Variants in CCDC158 observed in about 807,000 individuals in gnomAD.
The protein encoded by CCDC158 is coiled-coil domain-containing protein 158.
In CCDC158, 116 loss-of-function variants were observed where a neutral mutation model predicts 138.6. The ratio of observed to expected loss-of-function variants is 0.84; its 90% confidence interval spans 0.72 to 0.98. The LOEUF is 0.98. Among genes scored for constraint, CCDC158 ranks in the 50% least tolerant of loss-of-function variants. The pLI is 0.00. For synonymous variants in CCDC158, 436 were observed against 442.4 expected (o/e 0.99, Z 0.18); for missense variants, 1,265 against 1,306.1 (o/e 0.97, Z 0.48).
intron 18 of CCDC158, among the ~76,000 whole-genome samples, chr4:76,338,913 C>T (rs889651755): frequency 6.6e-6 from 1 of 152,198 alleles, no homozygotes; most frequent in East Asian, 1.9e-4. Flanking sequence ...AATGATGAGA[C>T]AGCAGAAGGC....
chr4:76,329,058 T>G (rs1348603462), intron 21 of CCDC158, 91 bp from the exon 22 acceptor site: 3 of 1,004,134 alleles, frequency 3.0e-6, no homozygotes, highest in South Asian at 2.6e-5. Context: ...CAGGCAAATG[T>G]GATGGTTTAA....
At position 76,362,285 on chromosome 4, in the gene CCDC158, G is replaced by C; in HGVS notation, c.1861C>G (p.Arg621Gly). The change falls in exon 13 of 25, where the codon CGG becomes GGG. Residue 621 changes from arginine to glycine, a missense_variant. Transcript: ENST00000682701. ...TCACTCACTCTGGCCTCAAGCTCCCGGATCTTTGCATCTTTTTTATCTTTT... is the reference window on the plus strand; with the variant it reads ...TCACTCACTCTGGCCTCAAGCTCCCCGATCTTTGCATCTTTTTTATCTTTT... ...ILKDKKDAKI[R>G]ELEARVSDLE... 6 of 1,612,826 alleles carry C rather than the reference G, an allele frequency of 3.7e-6. No individual in the cohort carries two copies. The highest frequency in any genetic ancestry group is 5.1e-6 in the Non-Finnish European group (6 of 1,179,674).
chr4:76,343,075 T>A (rs1722211658), intron 18 of CCDC158, among the ~76,000 whole-genome samples: 1 of 152,224 alleles, frequency 6.6e-6, no homozygotes, highest in Non-Finnish European at 1.5e-5. Context: ...CATAGAGATA[T>A]CTATCTTGTA....
At chr4:76,345,999 G>C (rs1002114395) in intron 18 of CCDC158, among the ~76,000 whole-genome samples, 1 of 152,044 alleles carries the variant, frequency 6.6e-6, no homozygotes, top group African/African-American at 2.4e-5. Context: ...ATATAACAAG[G>C]CTACAGTAAC....
At chr4:76,397,229 G>A (rs1210314797) in intron 3 of CCDC158, among the ~76,000 whole-genome samples, 2 of 151,544 alleles carry the variant, frequency 1.3e-5, no homozygotes, top group Non-Finnish European at 2.9e-5. Flanking sequence ...AAACCCACCT[G>A]GAAGAATAAA....
intron 9 of CCDC158, among the ~76,000 whole-genome samples, chr4:76,379,077 A>T (rs949656047): frequency 6.6e-6 from 1 of 151,238 alleles, no homozygotes; most frequent in Non-Finnish European, 1.5e-5. Flanking sequence ...CTATGCAAAA[A>T]ATTTTGCTAA....
chr4:76,399,289 C>G (rs1008953485), intron 3 of CCDC158, among the ~76,000 whole-genome samples: 1 of 152,004 alleles, frequency 6.6e-6, no homozygotes, highest in African/African-American at 2.4e-5. Context: ...GGGAGGGGAA[C>G]AACACACACT....
intron 4 of CCDC158, 82 bp from the exon 5 acceptor site, chr4:76,384,747 T>C (rs1726629296): frequency 2.2e-6 from 2 of 899,600 alleles, no homozygotes; most frequent in East Asian, 2.5e-5. Context: ...GATCTATATA[T>C]ATTTTCAATT....
intron 22 of CCDC158, among the ~76,000 whole-genome samples, chr4:76,328,363 G>T (rs1056211167): frequency 2.0e-5 from 3 of 152,240 alleles, no homozygotes; most frequent in Admixed American, 2.0e-4. Flanking sequence ...TCTCACAGGG[G>T]TGACACAGTA....
rs371498982 is a variant in CCDC158 at position 76,313,990 on chromosome 4, TTTTC to T, written c.3278-748_3278-745del. Among the ~76,000 whole-genome samples, 426 of 152,276 alleles carry T rather than the reference TTTTC, an allele frequency of 2.8e-3. 2 individuals are homozygous for T. The highest frequency in any genetic ancestry group is 9.1e-3 in the African/African-American group (377 of 41,556). On this transcript the variant is annotated intron_variant, in intron 24 of 24. Transcript: ENST00000682701. ...TTACATCCTTTTTCTAAACATCCTT[TTTTC>T]TTTCTTTCTTTCTTGCTATAATAAA...
intron 9 of CCDC158, among the ~76,000 whole-genome samples, chr4:76,372,248 AG>A (rs1482032790): frequency 6.6e-6 from 1 of 152,174 alleles, no homozygotes; most frequent in Non-Finnish European, 1.5e-5. Context: ...AGACCAACCT[AG>A]GCAACACAGG....
intron 1 of CCDC158, among the ~76,000 whole-genome samples, chr4:76,419,627 T>C (rs1006629815): frequency 6.6e-6 from 1 of 152,080 alleles, no homozygotes; most frequent in African/African-American, 2.4e-5. Context: ...AATATCTGCC[T>C]CTGTGGTCAC....
chr4:76,371,063 C>A (rs991295919), intron 10 of CCDC158, among the ~76,000 whole-genome samples: 2 of 152,178 alleles, frequency 1.3e-5, no homozygotes, highest in Non-Finnish European at 2.9e-5. Context: ...ACCTAACCGT[C>A]CATTCCAAAT....
At chr4:76,408,205 A>G (rs1356786684) in intron 2 of CCDC158, among the ~76,000 whole-genome samples, 2 of 150,878 alleles carry the variant, frequency 1.3e-5, no homozygotes, top group Non-Finnish European at 3.0e-5. Context: ...TTTTTATTAT[A>G]CTTTAAGTTC....
intron 24 of CCDC158, among the ~76,000 whole-genome samples, chr4:76,318,990 T>C (rs948882271): frequency 2.0e-5 from 3 of 151,162 alleles, no homozygotes; most frequent in Non-Finnish European, 2.9e-5. Context: ...TAGCTGGGAG[T>C]GGCCAGGCGC....
At chr4:76,347,322 T>G (rs1244824338) in intron 18 of CCDC158, among the ~76,000 whole-genome samples, 2 of 152,038 alleles carry the variant, frequency 1.3e-5, no homozygotes, top group African/African-American at 2.4e-5. Context: ...TGGATAGACT[T>G]TATCCAGTCT....
chr4:76,318,852 G>A (rs138724654), intron 24 of CCDC158, among the ~76,000 whole-genome samples: 114 of 152,280 alleles, frequency 7.5e-4, no homozygotes, highest in African/African-American at 2.2e-3. Context: ...TGATGATGCC[G>A]GGTGCAGTGG....
At chr4:76,421,224 C>G (rs530496280), upstream of CCDC158, among the ~76,000 whole-genome samples, 1 of 152,064 alleles carries the variant, frequency 6.6e-6, no homozygotes, top group Non-Finnish European at 1.5e-5. Context: ...GGTTAGGACG[C>G]TCTGCGAGGC....
intron 13 of CCDC158, among the ~76,000 whole-genome samples, chr4:76,361,317 C>T (rs1724111390): frequency 6.6e-6 from 1 of 152,322 alleles, no homozygotes; most frequent in Admixed American, 6.5e-5. Flanking sequence ...AATCCCAGCA[C>T]TTTGGGAGGC....
Sources: gnomAD v4.1 joint callset for allele counts (sites outside exome capture counted in the v4.1 genomes callset) on GRCh38, gnomAD v4.1.1 for gene constraint, MANE v1.5 for transcripts, NCBI Gene and HGNC (gene_info 2026-07-23, HGNC 2026-07-21) for gene names.